Variants in FNDC3B observed in about 807,000 individuals in gnomAD.
FNDC3B encodes the protein fibronectin type III domain-containing protein 3B.
A neutral mutation model predicts 151.5 loss-of-function variants in FNDC3B; 12 were observed. The observed-to-expected ratio is 0.08, with a 90% CI of 0.05 to 0.13. The LOEUF (loss-of-function observed/expected upper bound fraction) is 0.13, where lower values mean the gene tolerates loss of function less well. FNDC3B is among the 10% of genes least tolerant of loss of function. The pLI is 1.00. For synonymous variants in FNDC3B, 528 were observed against 549.0 expected (o/e 0.96, Z 0.54); for missense variants, 1,214 against 1,505.3 (o/e 0.81, Z 3.20).
intron 25 of FNDC3B, among the ~76,000 whole-genome samples, chr3:172,391,960 T>C (rs1182469273): frequency 6.6e-6 from 1 of 150,500 alleles, no homozygotes; most frequent in African/African-American, 2.5e-5. Context: ...TAAAGAACAC[T>C]CACAACTAAA....
chr3:172,092,460 C>T (rs1008955666), intron 1 of FNDC3B, among the ~76,000 whole-genome samples: 3 of 152,144 alleles, frequency 2.0e-5, no homozygotes, highest in South Asian at 2.1e-4. Context: ...GGATGTAAAA[C>T]GTGGACTGAA....
chr3:172,097,544 A>G (rs1422907208), intron 1 of FNDC3B, among the ~76,000 whole-genome samples: 1 of 152,242 alleles, frequency 6.6e-6, no homozygotes, highest in African/African-American at 2.4e-5. Context: ...ATCATTATAC[A>G]AATTATAGAT....
intron 7 of FNDC3B, among the ~76,000 whole-genome samples, chr3:172,293,125 A>T (rs1392003209): frequency 1.3e-5 from 2 of 152,198 alleles, no homozygotes; most frequent in African/African-American, 4.8e-5. Context: ...TACCTTAATC[A>T]TCTTTGTATC....
intron 1 of FNDC3B, among the ~76,000 whole-genome samples, chr3:172,108,199 GTGA>G (rs1356168961): frequency 7.2e-5 from 11 of 151,894 alleles, no homozygotes; most frequent in Non-Finnish European, 1.2e-4. Context: ...TAGAGGTGGG[GTGA>G]TAATAGCTCT....
intron 1 of FNDC3B, among the ~76,000 whole-genome samples, chr3:172,081,302 C>T (rs144961417): frequency 7.1e-4 from 108 of 152,056 alleles, no homozygotes; most frequent in Admixed American, 1.6e-3. Flanking sequence ...ACCTTGGTGT[C>T]GGTGGCATTT....
chr3:172,114,996 G>T (rs1453059178), intron 2 of FNDC3B, among the ~76,000 whole-genome samples: 3 of 152,098 alleles, frequency 2.0e-5, no homozygotes, highest in Admixed American at 6.5e-5. Context: ...TTCCTTAATG[G>T]GCAAAATTGT....
chr3:172,052,529 G>GAA (rs1716714484), intron 1 of FNDC3B, among the ~76,000 whole-genome samples: 1 of 152,202 alleles, frequency 6.6e-6, no homozygotes, highest in African/African-American at 2.4e-5. Context: ...AAGCCATGGA[G>GAA]AAAGGGTCAA....
chr3:172,319,990 G>A (rs1006944486), intron 11 of FNDC3B, among the ~76,000 whole-genome samples: 1 of 152,162 alleles, frequency 6.6e-6, no homozygotes, highest in Non-Finnish European at 1.5e-5. Context: ...CCACAAGCAC[G>A]TGACAACTGA....
chr3:172,048,694 C>T (rs963956657), intron 1 of FNDC3B, among the ~76,000 whole-genome samples: 1 of 152,024 alleles, frequency 6.6e-6, no homozygotes, highest in South Asian at 2.1e-4. Flanking sequence ...AGAAACAACC[C>T]ATGCCCATCA....
chr3:172,053,317 CTTTTT>C (rs568354510), intron 1 of FNDC3B, among the ~76,000 whole-genome samples: 1 of 152,044 alleles, frequency 6.6e-6, no homozygotes, highest in Non-Finnish European at 1.5e-5. Flanking sequence ...GATTTTAAAA[CTTTTT>C]TTTAACTGTA....
At chr3:172,052,182 T>C (rs1576819257) in intron 1 of FNDC3B, among the ~76,000 whole-genome samples, 1 of 151,704 alleles carries the variant, frequency 6.6e-6, no homozygotes, top group South Asian at 2.1e-4. Flanking sequence ...CCTCCTGGGC[T>C]CAAGTGATCC....
Position 172,397,849 on chromosome 3 carries a change from C to A in FNDC3B, c.*374C>A, listed in dbSNP as rs529436513. 0.011 allele frequency: 1,775 copies of A among 157,604 alleles called. 39 individuals carry two copies. Among genetic ancestry groups the A allele is most frequent in the African/African-American group, 0.041 (1,668 of 40,790 alleles). 9.8% of individuals were successfully genotyped at this position (157,604 alleles called of 1,614,324 possible). A position where few individuals can be genotyped will look rare whatever the true frequency, so the allele number is the denominator to read the frequency against. On this transcript the variant is annotated 3_prime_UTR_variant, in exon 26 of 26. Transcript: ENST00000415807. ...AGTAATTTATATTCACCAGTCACTT[C>A]ATATGTCTTGAACATCTGTATCTGT... is the stretch of plus-strand genomic sequence containing the variant.
chr3:172,124,863 T>G (rs1313797544), intron 2 of FNDC3B, among the ~76,000 whole-genome samples: 1 of 152,220 alleles, frequency 6.6e-6, no homozygotes, highest in East Asian at 1.9e-4. Context: ...CTGGGGCTGG[T>G]GCTGAGCCCT....
intron 10 of FNDC3B, 116 bp from the exon 11 acceptor site, chr3:172,310,712 T>TC (rs34096035): frequency 1.3e-6 from 1 of 785,466 alleles, no homozygotes; most frequent in African/African-American, 1.7e-5. Context: ...ATCAGCTTTA[T>TC]CCCCCTGAGG....
At chr3:172,365,937 G>A (rs556325306) in intron 23 of FNDC3B, among the ~76,000 whole-genome samples, 2 of 152,196 alleles carry the variant, frequency 1.3e-5, no homozygotes, top group South Asian at 4.1e-4. Context: ...TTAAATAAAG[G>A]GGTTAAACTA....
rs745977194 is a variant in FNDC3B, at chr3:172,362,629, C to G, written c.2796-4C>G. ...TGTCTGTATTTTTTTTTTCCTTTCTCTAGGATCAGAATTCAGGCTATAAAT... is the reference window on the plus strand; with the variant it reads ...TGTCTGTATTTTTTTTTTCCTTTCTGTAGGATCAGAATTCAGGCTATAAAT... On this transcript the variant is annotated splice_polypyrimidine_tract_variant and splice_region_variant and intron_variant, in intron 22 of 25. Coordinates refer to ENST00000415807, the MANE Select transcript of FNDC3B (RefSeq NM_022763.4). 1.7e-5 allele frequency: 27 copies of G among 1,604,600 alleles called. No homozygotes were observed. Among genetic ancestry groups the G allele is most frequent in the South Asian group, 4.5e-5 (4 of 89,886 alleles).
chr3:172,188,845 C>T (rs957596281), intron 3 of FNDC3B, among the ~76,000 whole-genome samples: 1 of 152,112 alleles, frequency 6.6e-6, no homozygotes, highest in African/African-American at 2.4e-5. Context: ...TCAATCAGAC[C>T]CCGCTTCCTG....
intron 4 of FNDC3B, among the ~76,000 whole-genome samples, chr3:172,230,622 C>T (rs1277422184): frequency 6.6e-6 from 1 of 151,828 alleles, no homozygotes; most frequent in Non-Finnish European, 1.5e-5. Flanking sequence ...AAAAAACTTA[C>T]AAGTCAAGAA....
chr3:172,228,123 G>GA (rs1279454106), intron 4 of FNDC3B, among the ~76,000 whole-genome samples: 1 of 152,026 alleles, frequency 6.6e-6, no homozygotes, highest in African/African-American at 2.4e-5. Context: ...TACATAGCCA[G>GA]ATTGCTGGCC....
Sources: allele counts gnomAD v4.1 joint callset (sites outside exome capture counted in the v4.1 genomes callset), GRCh38; gene constraint gnomAD v4.1.1; transcripts MANE v1.5; gene names NCBI Gene and HGNC (gene_info 2026-07-23, HGNC 2026-07-21).